The following SHISA6 variants were observed in gnomAD, a reference collection of about 807,000 sequenced individuals.
SHISA6 encodes the protein shisa family member 6, also known as protein shisa-6.
A neutral mutation model predicts 47.9 loss-of-function variants in SHISA6; 22 were observed. The observed-to-expected ratio is 0.46, with a 90% CI of 0.33 to 0.66. The LOEUF is 0.66. Among genes scored for constraint, SHISA6 ranks in the 30% least tolerant of loss-of-function variants. The pLI is 0.02. For synonymous variants in SHISA6, 388 were observed against 337.8 expected, an observed-to-expected ratio of 1.15 and a Z score of -1.63; for missense variants, 680 against 764.6, an observed-to-expected ratio of 0.89 and a Z score of 1.30.
At chr17:11,438,911 T>C (rs1304061121) in intron 3 of SHISA6, among the ~76,000 whole-genome samples, 1 of 152,086 alleles carries the variant, frequency 6.6e-6, no homozygotes, top group East Asian at 1.9e-4. Flanking sequence ...GCAGCTGATT[T>C]ATAGCAAGTC....
At chr17:11,379,353 C>T (rs1912929697) in intron 2 of SHISA6, 61 bp from the exon 3 acceptor site, 18 of 1,234,732 alleles carry the variant, frequency 1.5e-5, no homozygotes, top group South Asian at 2.8e-5. Flanking sequence ...GATGCAGCTG[C>T]GCTTGTCTTC....
intron 3 of SHISA6, among the ~76,000 whole-genome samples, chr17:11,448,756 G>A (rs554315878): frequency 6.6e-6 from 1 of 152,204 alleles, no homozygotes. Flanking sequence ...AACCCGAGAG[G>A]TGGAGGTTGC....
chr17:11,352,167 C>T (rs572576616), intron 2 of SHISA6, among the ~76,000 whole-genome samples: 184 of 151,722 alleles, frequency 1.2e-3, no homozygotes, highest in Non-Finnish European at 2.3e-3. Flanking sequence ...GGTAGGTAAA[C>T]ATTAAAGAAA....
At chr17:11,320,966 T>A (rs1455309974) in intron 2 of SHISA6, among the ~76,000 whole-genome samples, 1 of 152,202 alleles carries the variant, frequency 6.6e-6, no homozygotes, top group East Asian at 1.9e-4. Context: ...GAAAATGCTC[T>A]TTCATGTCTG....
At chr17:11,416,988 C>T (rs556587331) in intron 3 of SHISA6, among the ~76,000 whole-genome samples, 2 of 152,066 alleles carry the variant, frequency 1.3e-5, no homozygotes, top group Admixed American at 6.6e-5. Flanking sequence ...CCATCTGACT[C>T]GAAAGCTCAT....
chr17:11,445,058 CT>C (rs1487138463), intron 3 of SHISA6, among the ~76,000 whole-genome samples: 1 of 152,032 alleles, frequency 6.6e-6, no homozygotes, highest in Non-Finnish European at 1.5e-5. Context: ...AAAAGATGGC[CT>C]TTGATGAAGC....
intron 1 of SHISA6, among the ~76,000 whole-genome samples, chr17:11,244,810 G>A (rs1301137480): frequency 6.6e-6 from 1 of 152,186 alleles, no homozygotes; most frequent in East Asian, 1.9e-4. Context: ...AGACAAACCG[G>A]TTTCAGTGTG....
intron 2 of SHISA6, among the ~76,000 whole-genome samples, chr17:11,335,884 T>C (rs537241599): frequency 6.6e-6 from 1 of 152,210 alleles, no homozygotes; most frequent in African/African-American, 2.4e-5. Context: ...AAATGACATA[T>C]GCGAGTTATG....
chr17:11,536,277 AGTATGCCAG>A (rs1170890862), intron 3 of SHISA6, among the ~76,000 whole-genome samples: 6 of 152,152 alleles, frequency 3.9e-5, no homozygotes, highest in Admixed American at 6.5e-5. Context: ...TAGCTATGAT[AGTATGCCAG>A]GAACACTCAT....
chr17:11,544,808 A>C (rs1310449135), intron 3 of SHISA6, among the ~76,000 whole-genome samples: 1 of 151,924 alleles, frequency 6.6e-6, no homozygotes, highest in African/African-American at 2.4e-5. Flanking sequence ...AAAATACAAA[A>C]AAATTAGCCA....
intron 3 of SHISA6, among the ~76,000 whole-genome samples, chr17:11,487,327 C>T (rs943622115): frequency 6.6e-6 from 1 of 152,200 alleles, no homozygotes; most frequent in East Asian, 1.9e-4. Context: ...GAATGCGCCA[C>T]CTAAAGCCTG....
At chr17:11,487,763 T>A (rs1916387928) in intron 3 of SHISA6, among the ~76,000 whole-genome samples, 1 of 152,192 alleles carries the variant, frequency 6.6e-6, no homozygotes, top group Admixed American at 6.5e-5. Context: ...CAGCTTGGAA[T>A]GAAATTAGCT....
intron 3 of SHISA6, among the ~76,000 whole-genome samples, chr17:11,520,605 T>C (rs1186346188): frequency 6.6e-6 from 1 of 152,148 alleles, no homozygotes; most frequent in East Asian, 1.9e-4. Context: ...TATGCTCAGC[T>C]TAGCTCATCT....
intron 2 of SHISA6, among the ~76,000 whole-genome samples, chr17:11,333,027 A>G (rs979142970): frequency 1.3e-5 from 2 of 152,174 alleles, no homozygotes; most frequent in African/African-American, 4.8e-5. Context: ...GGTGGCTGCC[A>G]GGGGGTGACC....
intron 1 of SHISA6, among the ~76,000 whole-genome samples, chr17:11,245,709 C>T (rs1907550050): frequency 8.2e-6 from 1 of 121,956 alleles, no homozygotes. Context: ...CCTTCCACTG[C>T]CTGCACAGGA....
intron 2 of SHISA6, among the ~76,000 whole-genome samples, chr17:11,366,069 G>T (rs781272712): frequency 6.6e-6 from 1 of 152,248 alleles, no homozygotes; most frequent in African/African-American, 2.4e-5. Context: ...TGGCTATAGG[G>T]AGCCAAGGGA....
intron 3 of SHISA6, among the ~76,000 whole-genome samples, chr17:11,547,717 T>C (rs575463093): frequency 6.6e-6 from 1 of 152,206 alleles, no homozygotes; most frequent in South Asian, 2.1e-4. Context: ...AAAATAATGA[T>C]GGGAAGAGTT....
At chr17:11,258,297 C>T (rs979216862) in intron 1 of SHISA6, among the ~76,000 whole-genome samples, 2 of 152,218 alleles carry the variant, frequency 1.3e-5, no homozygotes, top group African/African-American at 4.8e-5. Context: ...CTTTCCACAG[C>T]ATTTAGACAG....
At chr17:11,275,417 C>A (rs1339084689) in intron 2 of SHISA6, among the ~76,000 whole-genome samples, 21 of 152,110 alleles carry the variant, frequency 1.4e-4, no homozygotes, top group Non-Finnish European at 8.8e-5. Context: ...CAAGATGGGA[C>A]TCCAGATTCA....
Sources: allele counts gnomAD v4.1 joint callset (sites outside exome capture counted in the v4.1 genomes callset), GRCh38; gene constraint gnomAD v4.1.1; transcripts MANE v1.5; gene names NCBI Gene and HGNC (gene_info 2026-07-23, HGNC 2026-07-21).